HDAC5: variants seen among roughly 807,000 people sequenced by gnomAD.
HDAC5 encodes histone deacetylase 5.
HDAC5 carries 25 observed loss-of-function variants against 133.3 expected under a neutral mutation model. The ratio of observed to expected loss-of-function variants is 0.19; its 90% CI spans 0.14 to 0.26. The LOEUF (loss-of-function observed/expected upper bound fraction) is 0.26. HDAC5 is among the 10% of genes least tolerant of loss of function. The pLI, the probability that HDAC5 is intolerant of heterozygous loss-of-function variation, is 1.00. For missense variants in HDAC5, 1,041 were observed against 1,460.5 expected (o/e 0.71, Z 4.68); for synonymous variants, 589 against 610.8 (o/e 0.96, Z 0.53).
chr17:44,078,688 G>C, intron 25 of HDAC5, 23 bp from the exon 26 acceptor site: 1 of 1,605,376 alleles, frequency 6.2e-7, no homozygotes, highest in Non-Finnish European at 8.5e-7. Flanking sequence ...GACAGGCAAG[G>C]GGTCAGGGAG....
chr17:44,082,696 G>A, intron 19 of HDAC5, 24 bp from the exon 20 acceptor site: 1 of 1,612,244 alleles, frequency 6.2e-7, no homozygotes, highest in East Asian at 2.2e-5. Context: ...AAAAGGGCAG[G>A]AGGTCAGCCT....
chr17:44,112,560 T>C (rs1388824044), intron 2 of HDAC5, among the ~76,000 whole-genome samples: 1 of 152,050 alleles, frequency 6.6e-6, no homozygotes, highest in East Asian at 1.9e-4. Context: ...CTGTCCTCTC[T>C]CTGGACTGGA....
intron 13 of HDAC5, 121 bp from the exon 14 acceptor site, chr17:44,086,858 C>T (rs1342661936): frequency 4.9e-6 from 3 of 612,586 alleles, no homozygotes; most frequent in Admixed American, 8.7e-5. Context: ...TCTCCTTCCC[C>T]CACCTCCTCC....
chr17:44,084,738 C>A, intron 15 of HDAC5, 63 bp from the exon 16 acceptor site: 1 of 1,584,786 alleles, frequency 6.3e-7, no homozygotes, highest in South Asian at 1.1e-5. Flanking sequence ...CCTCTCTGCC[C>A]CATAGCCAGG....
intron 3 of HDAC5, among the ~76,000 whole-genome samples, chr17:44,095,730 G>A (rs540328145): frequency 6.6e-6 from 1 of 152,216 alleles, no homozygotes; most frequent in Non-Finnish European, 1.5e-5. Flanking sequence ...GAGGATGGGC[G>A]GGCAGGCAGC....
At chr17:44,112,071 G>A (rs1412908372) in intron 2 of HDAC5, among the ~76,000 whole-genome samples, 2 of 152,168 alleles carry the variant, frequency 1.3e-5, no homozygotes, top group South Asian at 2.1e-4. Context: ...AGGTCATAAA[G>A]CTGCTTACAT....
Position 44,123,498 on chromosome 17 carries a change from G to A in HDAC5, c.-190+6C>T. 2.6e-6 allele frequency: 1 copy of A among 380,376 alleles called. No homozygotes were observed. Among genetic ancestry groups the A allele is most frequent in the Non-Finnish European group, 4.7e-6 (1 of 214,934 alleles). 23.6% of individuals were successfully genotyped at this position (380,376 alleles called of 1,614,324 possible). A position where few individuals can be genotyped will look rare whatever the true frequency, so the allele number is the denominator to read the frequency against. On this transcript the variant is annotated splice_donor_region_variant and intron_variant, in intron 1 of 26. Transcript: ENST00000682912. ...GATGGGATCTGGGCCGGGGCGGCGC[G>A]CTCACCCGCTGCGGCTCGAGCTCCG... is the stretch of plus-strand genomic sequence containing the variant.
chr17:44,104,646 C>A (rs1377804371), intron 3 of HDAC5, among the ~76,000 whole-genome samples: 3 of 152,230 alleles, frequency 2.0e-5, no homozygotes, highest in Non-Finnish European at 4.4e-5. Context: ...CCAGGAAGGG[C>A]CACTCTGTGC....
In HDAC5 at chr17:44,117,758, G is replaced by A. The variant is rs760309721; in HGVS notation, c.-189-54C>T. 2.5e-5 allele frequency: 15 copies of A among 600,570 alleles called. No homozygotes were observed. The East Asian group carries it at 2.8e-4, about 11-fold the overall frequency. 37.2% of individuals were successfully genotyped at this position (600,570 alleles called of 1,614,324 possible). A position where few individuals can be genotyped will look rare whatever the true frequency, so the allele number is the denominator to read the frequency against. ...CCCCTAACTCAGGAATCTGAGAGTC[G>A]AAGGAGACCTTGGAGCTCATCAGTT... On this transcript the variant is annotated intron_variant, in intron 1 of 26. Coordinates refer to ENST00000682912, the MANE Select transcript of HDAC5 (RefSeq NM_005474.5). The surrounding 1 kb of genome is among the most constrained non-coding windows in gnomAD (Gnocchi z 4.2).
At chr17:44,115,568 G>C (rs909467928) in intron 2 of HDAC5, among the ~76,000 whole-genome samples, 1 of 152,186 alleles carries the variant, frequency 6.6e-6, no homozygotes, top group Admixed American at 6.5e-5. Context: ...AGGAAGAGCT[G>C]GGGGGAGGCT....
chr17:44,102,665 CTCTT>C (rs959679427), intron 3 of HDAC5, among the ~76,000 whole-genome samples: 2 of 117,238 alleles, frequency 1.7e-5, no homozygotes, highest in African/African-American at 5.9e-5. Context: ...GCCAGGTTCT[CTCTT>C]TTTTTTTTTT....
chr17:44,100,297 C>T (rs1195768737), intron 3 of HDAC5, among the ~76,000 whole-genome samples: 1 of 152,086 alleles, frequency 6.6e-6, no homozygotes, highest in East Asian at 1.9e-4. Flanking sequence ...ATCCCTGTGA[C>T]AAGAACCCCG....
At chr17:44,092,626 C>G (rs1185932742) in intron 7 of HDAC5, 50 bp downstream of exon 7, 1 of 1,537,370 alleles carries the variant, frequency 6.5e-7, no homozygotes, top group Non-Finnish European at 8.8e-7. Context: ...AAGCCCACCT[C>G]TGCCTCCCAG....
intron 11 of HDAC5, among the ~76,000 whole-genome samples, chr17:44,089,470 C>T (rs755496397): frequency 1.3e-5 from 2 of 152,024 alleles, no homozygotes; most frequent in Non-Finnish European, 2.9e-5. Context: ...TTAGGCCAGG[C>T]GCAGTGGCTC....
chr17:44,077,030 C>G lies in HDAC5; in HGVS notation c.*1346G>C, dbSNP rs936000573. On this transcript the variant is annotated 3_prime_UTR_variant, in exon 27 of 27. Transcript: ENST00000682912. ...CGATGGTGCTGGGACTCCTGCCCCT[C>G]CCCTGGCTCCCTCAATCCTGCTCAG... 6.5e-6 allele frequency: 1 copy of G among 153,052 alleles called. No homozygotes were observed. The highest frequency in any genetic ancestry group is 1.5e-5 in the Non-Finnish European group (1 of 68,444). 9.5% of individuals were successfully genotyped at this position (153,052 alleles called of 1,614,324 possible).
chr17:44,117,496 G>GACTC lies in HDAC5; in HGVS notation c.16_19dup (p.Ser7Ter). 1 of 1,614,056 alleles carries GACTC rather than the reference G, an allele frequency of 6.2e-7. No individual in the cohort carries two copies. The highest frequency in any genetic ancestry group is 8.5e-7 in the Non-Finnish European group (1 of 1,180,004). The stretch of plus-strand genomic sequence containing the variant: ...TTCTCCAACCTCCCAGCTCTTACCC[G>GACTC]ACTCGTTGGGAGAGTTCATGCCGGC... On this transcript the variant is annotated stop_gained and frameshift_variant, in exon 2 of 27. Coordinates refer to ENST00000682912, the MANE Select transcript of HDAC5 (RefSeq NM_005474.5). LOFTEE classifies it high-confidence loss of function. The surrounding 1 kb of genome is among the most constrained non-coding windows in gnomAD (Gnocchi z 4.2).
At chr17:44,114,899 G>A (rs1234331927) in intron 2 of HDAC5, among the ~76,000 whole-genome samples, 6 of 152,198 alleles carry the variant, frequency 3.9e-5, no homozygotes, top group African/African-American at 1.4e-4. Context: ...AATAGCCTCC[G>A]CCTGTGATTC....
Position 44,093,568 on chromosome 17 carries a change from C to T in HDAC5, c.354+7G>A, listed in dbSNP as rs754133600. 5.6e-6 allele frequency: 9 copies of T among 1,601,702 alleles called. No individual in the cohort carries two copies. The highest frequency in any genetic ancestry group is 4.0e-5 in the African/African-American group (3 of 74,786). On this transcript the variant is annotated splice_region_variant and intron_variant, in intron 4 of 26. Coordinates refer to ENST00000682912, the MANE Select transcript of HDAC5 (RefSeq NM_005474.5). The stretch of plus-strand genomic sequence containing the variant: ...TCTGGGCGGCCCCCCGCACCCCCCT[C>T]GCTCACCTTGAGGTGCTTCTGCAGC...
chr17:44,111,573 T>C (rs535980933), intron 2 of HDAC5: 324 of 516,672 alleles, frequency 6.3e-4, no homozygotes, highest in Non-Finnish European at 1.2e-3. Flanking sequence ...CCGTCTTTCT[T>C]CTTGCCTTCC....
Sources: allele counts gnomAD v4.1 joint callset (sites outside exome capture counted in the v4.1 genomes callset), GRCh38; gene constraint gnomAD v4.1.1; non-coding constraint Gnocchi (gnomAD v3.1); transcripts MANE v1.5; gene names NCBI Gene and HGNC (gene_info 2026-07-23, HGNC 2026-07-21).